The following USP7 variants were observed in gnomAD, a reference collection of about 807,000 sequenced individuals.
USP7 encodes ubiquitin C-terminal hydrolase 7.
In USP7, 9 loss-of-function variants were observed where a neutral mutation model predicts 162.9. That is an observed-to-expected ratio of 0.06 (90% CI 0.03 to 0.10). USP7 has a LOEUF of 0.10. Ranked by LOEUF, USP7 falls within the 10% of genes least tolerant of loss-of-function variation. USP7 has a pLI of 1.00. For missense variants in USP7, 715 were observed against 1,373.7 expected (o/e 0.52, Z 7.58); for synonymous variants, 562 against 475.9 (o/e 1.18, Z -2.35).
At chr16:8,936,147 C>A (rs1476189559) in intron 1 of USP7, among the ~76,000 whole-genome samples, 3 of 152,178 alleles carry the variant, frequency 2.0e-5, no homozygotes, top group African/African-American at 7.2e-5. Context: ...GAAGACCCAG[C>A]TCGGCCTCTG....
intron 1 of USP7, among the ~76,000 whole-genome samples, chr16:8,954,253 C>T (rs147541426): frequency 7.2e-4 from 110 of 151,864 alleles, no homozygotes; most frequent in African/African-American, 2.5e-3. Context: ...GTGCCCCCTG[C>T]GGTGCCACTG....
chr16:8,894,529 C>CGGG lies in USP7; in HGVS notation c.3202+18_3202+20dup, dbSNP rs3214650. ...TTAGTCTGAAACCCACACCAGCCCC[C>CGGG]GGGGGGGGGAGAACCCTTACCGGGC... On this transcript the variant is annotated intron_variant, in intron 30 of 30. Coordinates refer to ENST00000344836, the MANE Select transcript of USP7 (RefSeq NM_003470.3). 1.2e-5 allele frequency: 18 copies of CGGG among 1,487,966 alleles called. No homozygotes were observed. In the East Asian group the frequency reaches 2.5e-4, roughly 20 times the overall value. The allele number at this position is 1,487,966 out of a possible 1,614,324, so 92.2% of individuals were successfully genotyped here. A position where few individuals can be genotyped will look rare whatever the true frequency, so the allele number is the denominator to read the frequency against.
intron 1 of USP7, among the ~76,000 whole-genome samples, chr16:8,944,492 G>C (rs1341427484): frequency 1.3e-5 from 2 of 152,230 alleles, no homozygotes; most frequent in African/African-American, 4.8e-5. Context: ...GATGAGGTCA[G>C]AGGTAGAAAG....
At chr16:8,945,925 T>C (rs1899254652) in intron 1 of USP7, among the ~76,000 whole-genome samples, 1 of 151,730 alleles carries the variant, frequency 6.6e-6, no homozygotes, top group African/African-American at 2.4e-5. Context: ...CAGCACTGAT[T>C]GAGAAATCAC....
chr16:8,911,315 G>A (rs2061943113), intron 10 of USP7, among the ~76,000 whole-genome samples: 2 of 152,138 alleles, frequency 1.3e-5, no homozygotes, highest in Non-Finnish European at 2.9e-5. Flanking sequence ...GTAGATAAAT[G>A]GAAAAGGCAA....
At chr16:8,916,649 T>A in intron 7 of USP7, 93 bp from the exon 8 acceptor site, 1 of 1,222,424 alleles carries the variant, frequency 8.2e-7, no homozygotes, top group Admixed American at 2.3e-5. Flanking sequence ...AACTGGATAA[T>A]CAGCTATTAT....
At chr16:8,960,760 C>G (rs1451497839) in intron 1 of USP7, among the ~76,000 whole-genome samples, 1 of 152,226 alleles carries the variant, frequency 6.6e-6, no homozygotes, top group African/African-American at 2.4e-5. Flanking sequence ...TGTTCTCTCA[C>G]TCTTTCGGGT....
chr16:8,941,349 C>A (rs990576456), intron 1 of USP7, among the ~76,000 whole-genome samples: 9 of 152,226 alleles, frequency 5.9e-5, no homozygotes, highest in Non-Finnish European at 1.0e-4. Context: ...GGTGGACATA[C>A]CCTACATATC....
At chr16:8,906,872 A>C (rs76426500) in intron 12 of USP7, among the ~76,000 whole-genome samples, 7,009 of 152,332 alleles carry the variant, frequency 0.046, 223 homozygotes, top group Middle Eastern at 0.15. Flanking sequence ...GCAAACTGAG[A>C]AACATGAAAA....
chr16:8,941,121 G>GCA (rs138108712), intron 1 of USP7, among the ~76,000 whole-genome samples: 1 of 152,088 alleles, frequency 6.6e-6, no homozygotes, highest in Non-Finnish European at 1.5e-5. Context: ...AATTCACATG[G>GCA]GGCCCATGCC....
chr16:8,919,378 C>G (rs1213676554), intron 5 of USP7, among the ~76,000 whole-genome samples: 1 of 152,114 alleles, frequency 6.6e-6, no homozygotes, highest in African/African-American at 2.4e-5. Flanking sequence ...AGTGGCACTC[C>G]TGTCACTGAT....
rs564714308 is a variant in USP7 at position 8,949,948 on chromosome 16, T to C, written c.79+13259A>G. Reference sequence around the variant, plus strand: ...GTCTAACGGTTGCTATCCCCTAGAATAGCAAAGGAAAACCCCCATTCACAG... The same window carrying C: ...GTCTAACGGTTGCTATCCCCTAGAACAGCAAAGGAAAACCCCCATTCACAG... On this transcript the variant is annotated intron_variant, in intron 1 of 30. Transcript: ENST00000344836. Among the ~76,000 whole-genome samples the C allele has an allele frequency of 8.7e-4, 133 of 152,242 alleles. 3 individuals are homozygous for C. In the South Asian group the frequency reaches 0.025, roughly 29 times the overall value.
At chr16:8,930,851 C>T (rs1237004161) in intron 1 of USP7, among the ~76,000 whole-genome samples, 1 of 152,052 alleles carries the variant, frequency 6.6e-6, no homozygotes, top group East Asian at 1.9e-4. Context: ...TGCCCGCAAT[C>T]CCAACTATTT....
chr16:8,904,458 C>A lies in USP7; in HGVS notation c.1681G>T (p.Ala561Ser). Reference sequence around the variant, plus strand: ...ACCTGCACTTGCATATAGAGATGGGCTTCCTGCCGCTCCTTCCGCTTCTGA... The same window carrying A: ...ACCTGCACTTGCATATAGAGATGGGATTCCTGCCGCTCCTTCCGCTTCTGA... ...EAQKRKERQEAHLYMQVQIVA... is the reference protein window; with the variant it reads ...EAQKRKERQESHLYMQVQIVA... The change falls in exon 15 of 31, where the codon GCC becomes TCC. Residue 561 changes from alanine (A) to serine (S), a missense_variant. Physicochemically the swap from Ala to Ser is moderately conservative, Grantham distance 99. This residue lies in a region of USP7 where 197 missense variants were observed against 306.5 expected (regional missense o/e 0.64). Coordinates refer to ENST00000344836, the MANE Select transcript of USP7 (RefSeq NM_003470.3). 1 of 1,614,096 alleles carries A rather than the reference C, an allele frequency of 6.2e-7. No homozygotes were observed. The highest frequency in any genetic ancestry group is 8.5e-7 in the Non-Finnish European group (1 of 1,180,022).
chr16:8,941,155 C>T (rs1311179588), intron 1 of USP7, among the ~76,000 whole-genome samples: 4 of 152,286 alleles, frequency 2.6e-5, no homozygotes, highest in African/African-American at 7.2e-5. Context: ...GACCCCCCGC[C>T]CCACCACCAA....
At chr16:8,941,794 ACCCTTC>A (rs1899057953) in intron 1 of USP7, among the ~76,000 whole-genome samples, 1 of 152,044 alleles carries the variant, frequency 6.6e-6, no homozygotes, top group African/African-American at 2.4e-5. Flanking sequence ...CCAGCCACTG[ACCCTTC>A]CAAGCCTCCG....
intron 1 of USP7, chr16:8,936,548 C>A (rs764296646): frequency 1.3e-6 from 2 of 1,503,278 alleles, no homozygotes; most frequent in African/African-American, 2.8e-5. Flanking sequence ...CATCCATCAC[C>A]AGCATAAGGA....
At chr16:8,902,846 C>T (rs923722213) in intron 16 of USP7, among the ~76,000 whole-genome samples, 2 of 151,976 alleles carry the variant, frequency 1.3e-5, no homozygotes, top group Non-Finnish European at 2.9e-5. Context: ...CAAGATCGCG[C>T]CACTGGGCAA....
intron 10 of USP7, among the ~76,000 whole-genome samples, chr16:8,914,618 G>A (rs4985013): frequency 0.69 from 104,705 of 152,090 alleles, 36,085 homozygotes; most frequent in East Asian, 0.73. Flanking sequence ...GAATGTGCTG[G>A]GCAAAAGGAA....
Sources: allele counts gnomAD v4.1 joint callset (sites outside exome capture counted in the v4.1 genomes callset), GRCh38; gene constraint gnomAD v4.1.1; regional missense constraint gnomAD v4.1.1; transcripts MANE v1.5; gene names NCBI Gene and HGNC (gene_info 2026-07-23, HGNC 2026-07-21).